Variants in STK3 observed in about 807,000 individuals in gnomAD.
The protein encoded by STK3 is serine/threonine-protein kinase 3.
In STK3, 41 loss-of-function variants were observed where a neutral mutation model predicts 58.0. That is an observed-to-expected ratio of 0.71 (90% CI 0.55 to 0.92). The LOEUF is 0.92. Ranked by LOEUF, STK3 falls within the 40% of genes least tolerant of loss-of-function variation. The probability of loss-of-function intolerance (pLI) is 0.00; values close to 1 mark genes in which losing one functional copy is unlikely to be tolerated. For synonymous variants in STK3, 170 were observed against 191.0 expected, an observed-to-expected ratio of 0.89 and a Z score of 0.91; for missense variants, 479 against 602.7, an observed-to-expected ratio of 0.79 and a Z score of 2.15.
chr8:98,374,511 C>T (rs1370147266), intron 2 of STK3, among the ~76,000 whole-genome samples: 2 of 152,206 alleles, frequency 1.3e-5, no homozygotes, highest in Non-Finnish European at 2.9e-5. Flanking sequence ...GTAGCTTAGC[C>T]CTGCACATGG....
chr8:98,776,546 T>G (rs1329507306), intron 1 of STK3, among the ~76,000 whole-genome samples: 1 of 152,222 alleles, frequency 6.6e-6, no homozygotes, highest in Non-Finnish European at 1.5e-5. Flanking sequence ...TTGAACAGCC[T>G]ACTTGCAGCA....
chr8:98,396,353 T>C (rs1318086393), intron 3 of STK3, among the ~76,000 whole-genome samples: 1 of 152,242 alleles, frequency 6.6e-6, no homozygotes, highest in Non-Finnish European at 1.5e-5. Context: ...AGCAATTGTG[T>C]ATCTGCAGAT....
chr8:98,427,366 A>T (rs1400879968), intron 3 of STK3: 3 of 151,874 alleles, frequency 2.0e-5, no homozygotes, highest in African/African-American at 7.3e-5. Flanking sequence ...GAGCCCGGGC[A>T]GCCCCGCTGG....
At chr8:98,887,466 AACTTTC>A (rs1838034234) in intron 1 of STK3, among the ~76,000 whole-genome samples, 1 of 152,222 alleles carries the variant, frequency 6.6e-6, no homozygotes, top group South Asian at 2.1e-4. Context: ...GTATTTTTGC[AACTTTC>A]TGTGAATCTA....
At chr8:98,897,008 AAGAAAAGAAAG>A (rs1179977603) in intron 1 of STK3, among the ~76,000 whole-genome samples, 2 of 139,962 alleles carry the variant, frequency 1.4e-5, no homozygotes, top group Non-Finnish European at 1.6e-5. Context: ...AAAAAAATAA[AAGAAAAGAAAG>A]AGAAAGAGAA....
At chr8:98,684,185 T>A (rs1823821747) in intron 6 of STK3, among the ~76,000 whole-genome samples, 1 of 152,150 alleles carries the variant, frequency 6.6e-6, no homozygotes, top group Non-Finnish European at 1.5e-5. Context: ...TGTATCACAG[T>A]CCTAATAGGC....
chr8:98,513,071 C>G (rs1350875931), intron 10 of STK3, among the ~76,000 whole-genome samples: 2 of 152,138 alleles, frequency 1.3e-5, no homozygotes, highest in African/African-American at 4.8e-5. Flanking sequence ...TCTAAAATGT[C>G]AGTCATGTCA....
chr8:98,741,103 G>A (rs1193150650), intron 4 of STK3, among the ~76,000 whole-genome samples: 2 of 152,098 alleles, frequency 1.3e-5, no homozygotes, highest in Non-Finnish European at 2.9e-5. Context: ...AGCAAGTCCT[G>A]ACTGACCTAC....
At chr8:98,884,977 C>T (rs1202474724) in intron 1 of STK3, among the ~76,000 whole-genome samples, 1 of 152,218 alleles carries the variant, frequency 6.6e-6, no homozygotes, top group Non-Finnish European at 1.5e-5. Flanking sequence ...GCAATACCAT[C>T]TTCCAGGTTC....
chr8:98,642,300 A>G (rs561011807), intron 6 of STK3, among the ~76,000 whole-genome samples: 13 of 152,282 alleles, frequency 8.5e-5, no homozygotes, highest in Non-Finnish European at 1.0e-4. Context: ...TACACTTAAC[A>G]ATGGTAAAGA....
chr8:98,624,567 T>C (rs1040542114), intron 6 of STK3, among the ~76,000 whole-genome samples: 2 of 151,978 alleles, frequency 1.3e-5, no homozygotes, highest in African/African-American at 2.4e-5. Context: ...AAGAAAGTGG[T>C]TCAGCCGGGT....
At chr8:98,353,148 A>T in the STK3 span, among the ~76,000 whole-genome samples, 1 of 152,190 alleles carries the variant, frequency 6.6e-6, no homozygotes, top group Non-Finnish European at 1.5e-5. Context: ...AATGTTATAT[A>T]AAATTACGTT....
chr8:98,788,177 C>T (rs1474053698), intron 1 of STK3, among the ~76,000 whole-genome samples: 1 of 152,072 alleles, frequency 6.6e-6, no homozygotes, highest in East Asian at 1.9e-4. Context: ...CATGGTGGCT[C>T]ACGGGGGTAA....
chr8:98,892,625 C>T (rs992822221), intron 1 of STK3, among the ~76,000 whole-genome samples: 4 of 152,144 alleles, frequency 2.6e-5, no homozygotes, highest in Non-Finnish European at 4.4e-5. Flanking sequence ...ACACTCTCCC[C>T]GTTTCCTACC....
chr8:98,905,615 C>A (rs891970304), intron 1 of STK3: 1 of 936,150 alleles, frequency 1.1e-6, no homozygotes, highest in Non-Finnish European at 1.8e-6. Context: ...GAAAAGAGAG[C>A]GGATCTCCTG....
intron 3 of STK3, among the ~76,000 whole-genome samples, chr8:98,420,245 C>T (rs1469055274): frequency 2.0e-5 from 3 of 152,186 alleles, no homozygotes; most frequent in Non-Finnish European, 2.9e-5. Context: ...ATCCATGCTA[C>T]AGGTGCTCCC....
chr8:98,870,350 A>G (rs1837324827), intron 3 of STK3, among the ~76,000 whole-genome samples: 1 of 152,212 alleles, frequency 6.6e-6, no homozygotes, highest in Non-Finnish European at 1.5e-5. Flanking sequence ...TCCTTTGGGT[A>G]TATACCCAGT....
chr8:98,514,518 C>T (rs903206784), intron 10 of STK3, among the ~76,000 whole-genome samples: 2 of 151,472 alleles, frequency 1.3e-5, no homozygotes, highest in African/African-American at 4.9e-5. Flanking sequence ...CTGATACCTG[C>T]CCCCACACTC....
chr8:98,712,726 A>C (rs1025526254), intron 4 of STK3, among the ~76,000 whole-genome samples: 24 of 151,864 alleles, frequency 1.6e-4, no homozygotes, highest in South Asian at 8.3e-4. Context: ...ACAGATCAAC[A>C]AGACAGAAAG....
Sources: allele counts gnomAD v4.1 joint callset (sites outside exome capture counted in the v4.1 genomes callset), GRCh38; gene constraint gnomAD v4.1.1; transcripts MANE v1.5; gene names NCBI Gene and HGNC (gene_info 2026-07-23, HGNC 2026-07-21).